The following SAXO1 variants were observed in gnomAD, a reference collection of about 807,000 sequenced individuals.
SAXO1 encodes 4930500O09Rik.
Under a neutral mutation model 17.5 loss-of-function variants are expected in SAXO1, and 21 were observed. The ratio of observed to expected loss-of-function variants is 1.20; its 90% CI spans 0.85 to 1.72. SAXO1 has a LOEUF of 1.72. SAXO1 is among the 40% of genes most tolerant of loss of function. The pLI is 0.00. For missense variants in SAXO1, 843 were observed against 596.0 expected (o/e 1.41, Z -4.32); for synonymous variants, 274 against 216.5 (o/e 1.27, Z -2.33).
intron 3 of SAXO1, among the ~76,000 whole-genome samples, chr9:18,938,715 G>C (rs1485954701): frequency 1.3e-5 from 2 of 152,114 alleles, no homozygotes; most frequent in African/African-American, 4.8e-5. Context: ...GAAGAGGACA[G>C]CCTGAGATGT....
chr9:18,938,946 C>T (rs561385697), intron 3 of SAXO1, among the ~76,000 whole-genome samples: 1 of 151,722 alleles, frequency 6.6e-6, no homozygotes, highest in Non-Finnish European at 1.5e-5. Context: ...TCCATCCTTG[C>T]CAACCCCCAA....
At chr9:18,981,252 C>A (rs974781345) in intron 1 of SAXO1, among the ~76,000 whole-genome samples, 3 of 152,148 alleles carry the variant, frequency 2.0e-5, no homozygotes, top group African/African-American at 7.2e-5. Context: ...CCCCTACCCA[C>A]CCCCACTCTT....
chr9:19,005,854 G>T (rs894060787), intron 1 of SAXO1, among the ~76,000 whole-genome samples: 1 of 152,170 alleles, frequency 6.6e-6, no homozygotes, highest in Non-Finnish European at 1.5e-5. Context: ...GAAAAAATTT[G>T]CAGATCTGAT....
chr9:19,023,031 G>A (rs1835313276), intron 1 of SAXO1, among the ~76,000 whole-genome samples: 1 of 152,060 alleles, frequency 6.6e-6, no homozygotes, highest in Non-Finnish European at 1.5e-5. Context: ...TCAAGTGTAG[G>A]CATCCCAGAA....
At chr9:18,999,523 C>T (rs1049406094) in intron 1 of SAXO1, among the ~76,000 whole-genome samples, 2 of 144,252 alleles carry the variant, frequency 1.4e-5, no homozygotes, top group East Asian at 2.1e-4. Context: ...GAGGCCTCTG[C>T]CCGGCCGCCA....
intron 1 of SAXO1, among the ~76,000 whole-genome samples, chr9:18,961,551 T>C (rs974646689): frequency 4.0e-5 from 6 of 151,468 alleles, no homozygotes; most frequent in Admixed American, 3.9e-4. Context: ...TGTGTTCTCA[T>C]TGTTCAACTC....
chr9:19,001,476 G>T (rs542995145), intron 1 of SAXO1, among the ~76,000 whole-genome samples: 1 of 152,120 alleles, frequency 6.6e-6, no homozygotes, highest in African/African-American at 2.4e-5. Flanking sequence ...GACCATCCTG[G>T]CTACCACAGT....
At chr9:19,006,535 T>C (rs1306797337) in intron 1 of SAXO1, among the ~76,000 whole-genome samples, 6 of 152,332 alleles carry the variant, frequency 3.9e-5, no homozygotes, top group Non-Finnish European at 7.4e-5. Flanking sequence ...AAATATTGTA[T>C]GTCTCCACTT....
intron 3 of SAXO1, among the ~76,000 whole-genome samples, chr9:18,940,727 C>T (rs902243028): frequency 1.3e-5 from 2 of 152,210 alleles, no homozygotes; most frequent in African/African-American, 4.8e-5. Context: ...TGCAGCTGAG[C>T]TCCATAGAGT....
chr9:19,006,944 C>T (rs1351766305), intron 1 of SAXO1, among the ~76,000 whole-genome samples: 1 of 152,076 alleles, frequency 6.6e-6, no homozygotes, highest in African/African-American at 2.4e-5. Context: ...ACTCGGGAGG[C>T]TGATGCAGGA....
upstream of SAXO1, among the ~76,000 whole-genome samples, chr9:19,033,630 G>C (rs770015324): frequency 1.3e-5 from 2 of 152,182 alleles, no homozygotes; most frequent in Admixed American, 6.5e-5. Context: ...CTCACCCACA[G>C]ACCTGCGCTC....
intron 1 of SAXO1, among the ~76,000 whole-genome samples, chr9:19,006,087 C>A (rs1156638800): frequency 1.3e-5 from 2 of 152,136 alleles, no homozygotes; most frequent in Admixed American, 6.5e-5. Flanking sequence ...CACTTCACAA[C>A]CATTTGGATG....
At chr9:19,045,058 C>T (rs1836174470) in intron 1 of SAXO1, among the ~76,000 whole-genome samples, 1 of 151,530 alleles carries the variant, frequency 6.6e-6, no homozygotes. Flanking sequence ...CGCCTGTAAT[C>T]CCAGCACTTT....
At chr9:18,982,585 T>A (rs1833436537) in intron 1 of SAXO1, among the ~76,000 whole-genome samples, 1 of 152,220 alleles carries the variant, frequency 6.6e-6, no homozygotes, top group African/African-American at 2.4e-5. Flanking sequence ...AAACCTTTCC[T>A]TCTGGTGACT....
intron 1 of SAXO1, among the ~76,000 whole-genome samples, chr9:18,992,892 C>G (rs1204707117): frequency 6.6e-6 from 1 of 152,104 alleles, no homozygotes; most frequent in African/African-American, 2.4e-5. Context: ...CCTCTACCTC[C>G]TGGGTTCAAG....
chr9:18,978,941 G>C (rs557925407), intron 1 of SAXO1, among the ~76,000 whole-genome samples: 3 of 152,096 alleles, frequency 2.0e-5, no homozygotes, highest in African/African-American at 7.2e-5. Context: ...TGAAAAATAA[G>C]AAAGACTCCA....
chr9:18,971,105 C>G (rs999831193), intron 1 of SAXO1, among the ~76,000 whole-genome samples: 1 of 152,172 alleles, frequency 6.6e-6, no homozygotes, highest in Non-Finnish European at 1.5e-5. Flanking sequence ...CATACCTTTT[C>G]CTACCTGAAC....
At chr9:18,954,977 T>C (rs1436719703) in intron 1 of SAXO1, among the ~76,000 whole-genome samples, 12 of 149,630 alleles carry the variant, frequency 8.0e-5, no homozygotes, top group African/African-American at 2.7e-4. Context: ...CCAATGGAAA[T>C]AGAATGCAAG....
intron 1 of SAXO1, chr9:19,026,883 G>T (rs1835496114): frequency 1.4e-6 from 1 of 709,126 alleles, no homozygotes; most frequent in Admixed American, 1.8e-5. Flanking sequence ...TCAAAAACTA[G>T]AAAAGAAGAT....
Sources: allele counts gnomAD v4.1 joint callset (sites outside exome capture counted in the v4.1 genomes callset), GRCh38; gene constraint gnomAD v4.1.1; transcripts MANE v1.5; gene names NCBI Gene and HGNC (gene_info 2026-07-23, HGNC 2026-07-21).